Variants in UBE2Q2 observed in about 807,000 individuals in gnomAD.
UBE2Q2 encodes the protein ubiquitin conjugating enzyme E2 Q2, also known as ubiquitin-conjugating enzyme E2 Q2.
A neutral mutation model predicts 59.9 loss-of-function variants in UBE2Q2; 54 were observed. The observed-to-expected ratio is 0.90, with a 90% confidence interval of 0.72 to 1.13. The LOEUF is 1.13. UBE2Q2 is among the 50% of genes most tolerant of loss of function. The pLI is 0.00. For missense variants in UBE2Q2, 433 were observed against 441.9 expected (o/e 0.98, Z 0.18); for synonymous variants, 165 against 155.2 (o/e 1.06, Z -0.47).
chr15:75,856,680 A>G (rs913414934), intron 2 of UBE2Q2, among the ~76,000 whole-genome samples: 10 of 152,356 alleles, frequency 6.6e-5, no homozygotes, highest in Admixed American at 3.3e-4. Context: ...ATGATGGCTC[A>G]CGCCTGTAAT....
At chr15:75,890,559 A>C (rs1447434594) in intron 10 of UBE2Q2, 76 bp downstream of exon 10, 1 of 1,263,678 alleles carries the variant, frequency 7.9e-7, no homozygotes. Context: ...GTAAGTAGAA[A>C]ATTCTTTAAT....
chr15:75,856,129 G>C (rs1044045123), intron 2 of UBE2Q2, among the ~76,000 whole-genome samples: 1 of 151,868 alleles, frequency 6.6e-6, no homozygotes, highest in African/African-American at 2.4e-5. Flanking sequence ...GGAGATTGCA[G>C]TAAGCCTAGA....
intron 12 of UBE2Q2, 124 bp from the exon 13 acceptor site, chr15:75,899,303 A>ATATT: frequency 3.4e-6 from 1 of 295,636 alleles, no homozygotes; most frequent in Non-Finnish European, 5.8e-6. Context: ...ATATATATAT[A>ATATT]TTTTTTACGG....
chr15:75,873,700 ATG>A, intron 5 of UBE2Q2, 132 bp downstream of exon 5: 1 of 1,036,420 alleles, frequency 9.6e-7, no homozygotes, highest in Non-Finnish European at 1.4e-6. Context: ...GGATTCAGTC[ATG>A]TGTGTTTTAA....
chr15:75,881,335 A>G (rs1387405742), intron 8 of UBE2Q2, among the ~76,000 whole-genome samples: 1 of 152,038 alleles, frequency 6.6e-6, no homozygotes, highest in Admixed American at 6.6e-5. Context: ...ATTGGCCAGG[A>G]AACTGGAGGA....
intron 1 of UBE2Q2, among the ~76,000 whole-genome samples, chr15:75,846,790 C>G (rs1446198041): frequency 6.6e-6 from 1 of 152,142 alleles, no homozygotes; most frequent in Non-Finnish European, 1.5e-5. Context: ...AAGAAACATC[C>G]TTATGCAGTT....
At chr15:75,879,002 C>G (rs1412565007) in intron 7 of UBE2Q2, 96 bp from the exon 8 acceptor site, 1 of 816,776 alleles carries the variant, frequency 1.2e-6, no homozygotes, top group South Asian at 2.2e-5. Flanking sequence ...CCTAGGTGCT[C>G]TATTTTAGCT....
At chr15:75,856,086 C>CTGAGGTGGGAGGATTGCT (rs1896888329) in intron 2 of UBE2Q2, among the ~76,000 whole-genome samples, 1 of 151,824 alleles carries the variant, frequency 6.6e-6, no homozygotes, top group African/African-American at 2.4e-5. Context: ...ACTGAGGAGG[C>CTGAGGTGGGAGGATTGCT]TGAGGTGGGA....
At chr15:75,893,498 G>A (rs888954597) in intron 11 of UBE2Q2, among the ~76,000 whole-genome samples, 1 of 152,156 alleles carries the variant, frequency 6.6e-6, no homozygotes, top group Non-Finnish European at 1.5e-5. Context: ...CATCACAGTT[G>A]GAGATTTCAA....
chr15:75,889,208 G>A (rs908222719), intron 9 of UBE2Q2, among the ~76,000 whole-genome samples: 67 of 152,112 alleles, frequency 4.4e-4, no homozygotes, highest in African/African-American at 1.2e-3. Flanking sequence ...ATGAACCTTC[G>A]CCTGAATTTA....
intron 1 of UBE2Q2, among the ~76,000 whole-genome samples, chr15:75,847,010 A>G (rs1896387703): frequency 6.6e-6 from 1 of 152,064 alleles, no homozygotes; most frequent in East Asian, 1.9e-4. Context: ...TCTGGGTCAT[A>G]TTTAGTTCAT....
At chr15:75,873,994 C>CT (rs1482136782) in intron 5 of UBE2Q2, among the ~76,000 whole-genome samples, 1 of 152,114 alleles carries the variant, frequency 6.6e-6, no homozygotes, top group East Asian at 1.9e-4. Flanking sequence ...CGTGCCTAGC[C>CT]TTAGTCATAT....
At chr15:75,879,955 A>G (rs190119743) in intron 8 of UBE2Q2, among the ~76,000 whole-genome samples, 103 of 152,308 alleles carry the variant, frequency 6.8e-4, no homozygotes, top group African/African-American at 2.4e-3. Flanking sequence ...ACTGAAAGGT[A>G]TATCTGCGCA....
At chr15:75,854,265 C>T in intron 1 of UBE2Q2, 121 bp from the exon 2 acceptor site, 2 of 650,076 alleles carry the variant, frequency 3.1e-6, no homozygotes, top group Admixed American at 3.2e-5. Context: ...AATATGTTGC[C>T]TTTTCCCCCC....
intron 1 of UBE2Q2, 199 bp downstream of exon 1, chr15:75,844,045 C>T (rs1294779447): frequency 2.1e-5 from 29 of 1,407,682 alleles, no homozygotes; most frequent in Admixed American, 1.2e-4. Flanking sequence ...GCGGAGGGCG[C>T]GTCTTTCCGG....
At chr15:75,893,844 T>A (rs1899244578) in intron 11 of UBE2Q2, among the ~76,000 whole-genome samples, 1 of 152,228 alleles carries the variant, frequency 6.6e-6, no homozygotes, top group Non-Finnish European at 1.5e-5. Flanking sequence ...AATGAAATTT[T>A]AAAATGCTTA....
In UBE2Q2 at chr15:75,859,960, A is replaced by G. The variant is rs1595865103; in HGVS notation, c.365A>G (p.Asp122Gly). ...LPKHLDVEML[D>G]QPLPTGQNGT... ...AAGCACCTGGATGTTGAGATGCTAG[A>G]TCAACCACTACCCACGGGTCAGGTA... Residue 122 changes from aspartate (D) to glycine (G), a missense_variant, in exon 3 of 13, where the codon GAT becomes GGT. Coordinates refer to ENST00000267938, the MANE Select transcript of UBE2Q2 (RefSeq NM_173469.4). The G allele has an allele frequency of 6.2e-7, 1 of 1,602,436 alleles. No individual in the cohort carries two copies. The highest frequency in any genetic ancestry group is 1.1e-5 in the South Asian group (1 of 87,618).
At chr15:75,899,386 T>G (rs1049552026) in intron 12 of UBE2Q2, 41 bp from the exon 13 acceptor site, 18 of 1,479,582 alleles carry the variant, frequency 1.2e-5, no homozygotes, top group Non-Finnish European at 1.6e-5. Context: ...TCTAATTTAT[T>G]TAAGAATTAT....
At chr15:75,896,542 T>C (rs1224442953) in intron 11 of UBE2Q2, among the ~76,000 whole-genome samples, 3 of 152,248 alleles carry the variant, frequency 2.0e-5, no homozygotes, top group Non-Finnish European at 2.9e-5. Context: ...TTTAGATTTC[T>C]AACTTAAAAT....
Sources: gnomAD v4.1 joint callset for allele counts (sites outside exome capture counted in the v4.1 genomes callset) on GRCh38, gnomAD v4.1.1 for gene constraint, MANE v1.5 for transcripts, NCBI Gene and HGNC (gene_info 2026-07-23, HGNC 2026-07-21) for gene names.